The following GALC variants were observed in gnomAD, a reference collection of about 807,000 sequenced individuals.
GALC encodes the protein galactosylceramidase.
GALC carries 77 observed loss-of-function variants against 91.8 expected under a neutral mutation model. The observed-to-expected ratio is 0.84, with a 90% CI of 0.70 to 1.01. The LOEUF (loss-of-function observed/expected upper bound fraction) is 1.01. Ranked by LOEUF, GALC falls within the 50% of genes least tolerant of loss-of-function variation. The pLI is 0.00. For missense variants in GALC, 882 were observed against 855.9 expected (o/e 1.03, Z -0.38); for synonymous variants, 357 against 306.7 (o/e 1.16, Z -1.71).
At position 87,934,848 on chromosome 14, in the gene GALC, T is replaced by A. The variant is rs1884501856; in HGVS notation, c.1942A>T (p.Lys648Ter). 1 of 1,612,726 alleles carries A rather than the reference T, an allele frequency of 6.2e-7. No homozygotes were observed. The highest frequency in any genetic ancestry group is 1.1e-5 in the South Asian group (1 of 91,068). ...ACAGGGATGTCTGTCCACAGAGACT[T>A]GTCATTCAGCATGCCAGAGGTGAAA... is the stretch of plus-strand genomic sequence containing the variant. Reference protein sequence around the residue: ...GHFTSGMLNDKSLWTDIPVNF... With the variant: ...GHFTSGMLND The change falls in exon 17 of 17, where the codon AAG becomes TAG. Residue 648 changes from lysine to a stop codon, truncating the protein, a stop_gained. Transcript: ENST00000261304. LOFTEE classifies it high-confidence loss of function.
intron 6 of GALC, among the ~76,000 whole-genome samples, chr14:87,978,994 C>T (rs1218176932): frequency 6.6e-6 from 1 of 152,092 alleles, no homozygotes; most frequent in Non-Finnish European, 1.5e-5. Context: ...AATCTGAGCA[C>T]CTACATTCGT....
chr14:87,954,312 A>G, intron 10 of GALC: 1 of 1,582,916 alleles, frequency 6.3e-7, no homozygotes, highest in South Asian at 1.1e-5. Context: ...CACTATACTG[A>G]CAGAGGCAGT....
intron 8 of GALC, 142 bp from the exon 9 acceptor site, chr14:87,965,771 T>C (rs1595215458): frequency 2.4e-6 from 2 of 834,332 alleles, no homozygotes; most frequent in East Asian, 2.7e-5. Flanking sequence ...AATAAGAAAA[T>C]ATAAGTTGTC....
chr14:87,937,964 T>C (rs1356536768), intron 16 of GALC, among the ~76,000 whole-genome samples: 1 of 151,830 alleles, frequency 6.6e-6, no homozygotes, highest in Non-Finnish European at 1.5e-5. Flanking sequence ...AATTGATGTG[T>C]AAATTTAATG....
At chr14:87,937,177 G>T (rs547501442) in intron 16 of GALC, among the ~76,000 whole-genome samples, 221 of 150,482 alleles carry the variant, frequency 1.5e-3, no homozygotes, top group African/African-American at 5.3e-3. Flanking sequence ...ATGATGTTTT[G>T]TTTTTTTTAT....
chr14:87,985,876 T>C (rs916970264), intron 4 of GALC, among the ~76,000 whole-genome samples: 5 of 152,150 alleles, frequency 3.3e-5, no homozygotes, highest in African/African-American at 9.7e-5. Context: ...ATCCTCCCAA[T>C]AGAACCTAAG....
chr14:87,944,490 AC>A (rs879900799), intron 14 of GALC, among the ~76,000 whole-genome samples: 2 of 151,940 alleles, frequency 1.3e-5, no homozygotes, highest in African/African-American at 4.8e-5. Flanking sequence ...CACTACCATA[AC>A]TGGAAAATCT....
intron 1 of GALC, among the ~76,000 whole-genome samples, chr14:87,990,663 G>A (rs977463955): frequency 5.3e-5 from 8 of 152,134 alleles, no homozygotes; most frequent in Non-Finnish European, 1.2e-4. Context: ...TGCTGTCTAG[G>A]GTTTCTTTTG....
chr14:87,940,802 T>C (rs1431477854), intron 15 of GALC, among the ~76,000 whole-genome samples: 1 of 151,942 alleles, frequency 6.6e-6, no homozygotes, highest in Non-Finnish European at 1.5e-5. Context: ...CAGTAAGGTC[T>C]AGCTTCAAAG....
chr14:87,934,830 T>C lies in GALC; in HGVS notation c.1960A>G (p.Ile654Val). The C allele has an allele frequency of 6.2e-7, 1 of 1,613,022 alleles. No homozygotes were observed. The highest frequency in any genetic ancestry group is 8.5e-7 in the Non-Finnish European group (1 of 1,179,272). Residue 654 changes from isoleucine (I) to valine (V), a missense_variant, in exon 17 of 17, where the codon ATC becomes GTC. By Grantham distance (29) the Ile-to-Val change is conservative. Coordinates refer to ENST00000261304, the MANE Select transcript of GALC (RefSeq NM_000153.4). ...CCATTCTTTGGAAAATTCACAGGGA[T>C]GTCTGTCCACAGAGACTTGTCATTC... is the stretch of plus-strand genomic sequence containing the variant. ...MLNDKSLWTD[I>V]PVNFPKNGWA...
At chr14:87,949,213 T>C (rs1245272932) in intron 12 of GALC, among the ~76,000 whole-genome samples, 1 of 151,068 alleles carries the variant, frequency 6.6e-6, no homozygotes. Flanking sequence ...CAGAGGTAAA[T>C]AAACAGGCAT....
chr14:87,971,708 T>G (rs1887829316), intron 7 of GALC, among the ~76,000 whole-genome samples: 1 of 152,200 alleles, frequency 6.6e-6, no homozygotes, highest in Non-Finnish European at 1.5e-5. Flanking sequence ...CCAGTGTATA[T>G]TTTATACTTA....
At chr14:87,991,619 A>T (rs1055565558) in intron 1 of GALC, among the ~76,000 whole-genome samples, 6 of 152,226 alleles carry the variant, frequency 3.9e-5, no homozygotes, top group African/African-American at 9.6e-5. Context: ...GACTCCACAA[A>T]GAAGTTTAAA....
At chr14:87,952,529 T>C (rs1002959915) in intron 10 of GALC, 7 of 757,384 alleles carry the variant, frequency 9.2e-6, no homozygotes, top group African/African-American at 3.4e-5. Flanking sequence ...CCTAGTATCC[T>C]GTTGCTCCAC....
At chr14:87,967,531 TA>T (rs1208635730) in intron 8 of GALC, among the ~76,000 whole-genome samples, 1 of 149,976 alleles carries the variant, frequency 6.7e-6, no homozygotes, top group Admixed American at 6.7e-5. Flanking sequence ...TTGTTCTATT[TA>T]TCATTGTTTA....
chr14:87,941,272 C>T (rs1884837270), intron 15 of GALC, 123 bp downstream of exon 15: 4 of 701,360 alleles, frequency 5.7e-6, no homozygotes, highest in Middle Eastern at 3.4e-4. Flanking sequence ...ACATCCCTTC[C>T]CAATTAGATG....
chr14:87,970,896 A>G (rs1272132244), intron 7 of GALC, among the ~76,000 whole-genome samples: 5 of 150,224 alleles, frequency 3.3e-5, no homozygotes, highest in Non-Finnish European at 7.4e-5. Flanking sequence ...AAAAAAAAAA[A>G]GAATATAAAT....
At chr14:87,974,078 G>A (rs1886399462) in intron 7 of GALC, among the ~76,000 whole-genome samples, 1 of 151,998 alleles carries the variant, frequency 6.6e-6, no homozygotes, top group South Asian at 2.1e-4. Flanking sequence ...AATAACAAAA[G>A]ACAATATAGT....
chr14:87,944,159 T>G (rs1205438889), intron 14 of GALC, among the ~76,000 whole-genome samples: 1 of 152,018 alleles, frequency 6.6e-6, no homozygotes, highest in Non-Finnish European at 1.5e-5. Flanking sequence ...ATTGTGAAGA[T>G]GTATATGAAG....
Sources: gnomAD v4.1 joint callset for allele counts (sites outside exome capture counted in the v4.1 genomes callset) on GRCh38, gnomAD v4.1.1 for gene constraint, MANE v1.5 for transcripts, NCBI Gene and HGNC (gene_info 2026-07-23, HGNC 2026-07-21) for gene names.